Variants in FBN2 observed in about 807,000 individuals in gnomAD.
The protein encoded by FBN2 is fibrillin-2.
A neutral mutation model predicts 355.6 loss-of-function variants in FBN2; 105 were observed. That is an observed-to-expected ratio of 0.30 (90% CI 0.25 to 0.35). The LOEUF (loss-of-function observed/expected upper bound fraction) is 0.35. Among genes scored for constraint, FBN2 ranks in the 10% least tolerant of loss-of-function variants. The probability of loss-of-function intolerance (pLI) is 1.00; values close to 1 mark genes in which losing one functional copy is unlikely to be tolerated. For missense variants in FBN2, 3,280 were observed against 3,758.7 expected, an observed-to-expected ratio of 0.87 and a Z score of 3.33; for synonymous variants, 1,350 against 1,301.2, an observed-to-expected ratio of 1.04 and a Z score of -0.81.
At chr5:128,280,031 T>C (rs1016347276) in intron 56 of FBN2, among the ~76,000 whole-genome samples, 161 bp downstream of exon 56, 1 of 152,210 alleles carries the variant, frequency 6.6e-6, no homozygotes, top group African/African-American at 2.4e-5. Context: ...TGTACAAATA[T>C]ATCATTTTAA....
At chr5:128,459,998 T>C (rs1387131031) in intron 6 of FBN2, among the ~76,000 whole-genome samples, 3 of 152,138 alleles carry the variant, frequency 2.0e-5, no homozygotes, top group African/African-American at 4.8e-5. Flanking sequence ...AAAGGGTATT[T>C]AAATAGGAAG....
Position 128,424,551 on chromosome 5 carries a change from T to C in FBN2, c.953-15752A>G, listed in dbSNP as rs185954516. ...TTTTTGCATTATTTCAGGATTTTAC[T>C]ATAGTACAATATATATTCTTTCTTG... On this transcript the variant is annotated intron_variant, in intron 7 of 64. Transcript: ENST00000262464. Among the ~76,000 whole-genome samples, 46 of 149,872 alleles carry C rather than the reference T, an allele frequency of 3.1e-4. No individual in the cohort carries two copies. In the East Asian group the frequency reaches 0.013, roughly 41 times the overall value.
intron 62 of FBN2, among the ~76,000 whole-genome samples, chr5:128,271,660 TATTAA>T (rs1765270454): frequency 6.6e-6 from 1 of 152,128 alleles, no homozygotes; most frequent in African/African-American, 2.4e-5. Flanking sequence ...AATCTAAATA[TATTAA>T]ATTACAGACA....
chr5:128,386,809 A>C (rs1016340404), intron 11 of FBN2, among the ~76,000 whole-genome samples: 1 of 152,150 alleles, frequency 6.6e-6, no homozygotes, highest in Non-Finnish European at 1.5e-5. Flanking sequence ...GCGATGAATT[A>C]GCTTTTTGAT....
At chr5:128,406,415 A>G (rs1752928550) in intron 8 of FBN2, among the ~76,000 whole-genome samples, 1 of 152,204 alleles carries the variant, frequency 6.6e-6, no homozygotes. Flanking sequence ...GATCTTAGCA[A>G]CCTCAGCATA....
chr5:128,479,044 C>T (rs1160764473), intron 5 of FBN2, among the ~76,000 whole-genome samples: 1 of 152,134 alleles, frequency 6.6e-6, no homozygotes, highest in African/African-American at 2.4e-5. Flanking sequence ...TTTAATAAAA[C>T]AATATATTTT....
intron 8 of FBN2, among the ~76,000 whole-genome samples, chr5:128,407,887 A>C (rs1752970918): frequency 6.6e-6 from 1 of 152,212 alleles, no homozygotes; most frequent in Admixed American, 6.5e-5. Flanking sequence ...AGAGAGAGAC[A>C]CTGCCCAAAC....
At chr5:128,482,029 G>A (rs1225344571) in intron 5 of FBN2, among the ~76,000 whole-genome samples, 1 of 152,078 alleles carries the variant, frequency 6.6e-6, no homozygotes, top group East Asian at 1.9e-4. Context: ...TCAATTTCTG[G>A]GAAGTCTAAA....
At chr5:128,384,226 T>A (rs1321998705) in intron 11 of FBN2, among the ~76,000 whole-genome samples, 1 of 152,088 alleles carries the variant, frequency 6.6e-6, no homozygotes, top group Non-Finnish European at 1.5e-5. Flanking sequence ...TATAAAATTC[T>A]ACACGATGCA....
chr5:128,378,424 G>A (rs1752143632), intron 12 of FBN2, among the ~76,000 whole-genome samples: 1 of 152,124 alleles, frequency 6.6e-6, no homozygotes, highest in Admixed American at 6.6e-5. Flanking sequence ...GGCATGACTT[G>A]GTGTTGGACT....
At chr5:128,351,063 C>T in intron 20 of FBN2, 58 bp from the exon 21 acceptor site, 2 of 1,596,936 alleles carry the variant, frequency 1.3e-6, no homozygotes, top group Non-Finnish European at 1.7e-6. Context: ...TAGAATTCAG[C>T]TGTGTACACA....
chr5:128,531,900 T>C (rs1382169080), intron 2 of FBN2, among the ~76,000 whole-genome samples: 2 of 152,126 alleles, frequency 1.3e-5, no homozygotes, highest in African/African-American at 4.8e-5. Flanking sequence ...ATCCTAAATC[T>C]TTAATTGTCT....
Position 128,395,153 on chromosome 5 carries a change from G to T in FBN2, c.1200C>A (p.Thr400=), listed in dbSNP as rs768667370. The T allele has an allele frequency of 1.2e-6, 2 of 1,614,144 alleles. No individual in the cohort carries two copies. Among genetic ancestry groups the T allele is most frequent in the South Asian group, 2.2e-5 (2 of 91,074 alleles). ...CEPGRCWGIG[T]IPEACPVRGS... Reference sequence around the variant, plus strand: ...CTCTGACAGGACAGGCTTCAGGAATGGTTCCGATGCCCCAGCAGCGGCCAG... The same window carrying T: ...CTCTGACAGGACAGGCTTCAGGAATTGTTCCGATGCCCCAGCAGCGGCCAG... The change falls in exon 9 of 65, where the codon ACC becomes ACA. Residue 400 remains threonine (T), a synonymous_variant. Coordinates refer to ENST00000262464, the MANE Select transcript of FBN2 (RefSeq NM_001999.4).
intron 50 of FBN2, 85 bp downstream of exon 50, chr5:128,290,647 T>G: frequency 5.2e-6 from 7 of 1,343,590 alleles, no homozygotes; most frequent in Non-Finnish European, 7.5e-6. Flanking sequence ...CTCAAAATAT[T>G]CTTAAATTAC....
At chr5:128,316,013 T>A (rs928145720) in intron 36 of FBN2, among the ~76,000 whole-genome samples, 5 of 152,216 alleles carry the variant, frequency 3.3e-5, no homozygotes, top group Admixed American at 1.3e-4. Context: ...GTTACCTGAC[T>A]CAACTTCATT....
chr5:128,382,405 A>C (rs748462750), intron 11 of FBN2, among the ~76,000 whole-genome samples: 5 of 152,080 alleles, frequency 3.3e-5, no homozygotes, highest in Non-Finnish European at 5.9e-5. Context: ...TGTCTGTTCC[A>C]TAAGATTCCA....
chr5:128,411,300 TA>T (rs1411053084), intron 7 of FBN2, among the ~76,000 whole-genome samples: 5 of 152,346 alleles, frequency 3.3e-5, no homozygotes, highest in East Asian at 1.9e-4. Context: ...GCTTAAATGT[TA>T]AAAAGCTCAT....
At chr5:128,503,813 A>G (rs10068001) in intron 5 of FBN2, among the ~76,000 whole-genome samples, 75,557 of 152,032 alleles carry the variant, frequency 0.5, 22,037 homozygotes, top group African/African-American at 0.82. Flanking sequence ...GTAATGAGGA[A>G]CCAAATGTTA....
At chr5:128,461,907 G>T (rs1161225538) in intron 6 of FBN2, among the ~76,000 whole-genome samples, 1 of 152,024 alleles carries the variant, frequency 6.6e-6, no homozygotes, top group Admixed American at 6.6e-5. Flanking sequence ...AACCACCATG[G>T]TACACATATA....
Sources: gnomAD v4.1 joint callset for allele counts (sites outside exome capture counted in the v4.1 genomes callset) on GRCh38, gnomAD v4.1.1 for gene constraint, MANE v1.5 for transcripts, NCBI Gene and HGNC (gene_info 2026-07-23, HGNC 2026-07-21) for gene names.